Variants in MYO5B observed in about 807,000 individuals in gnomAD.
The protein encoded by MYO5B is myosin VB.
A neutral mutation model predicts 229.3 loss-of-function variants in MYO5B; 143 were observed. That is an observed-to-expected ratio of 0.62 (90% CI 0.54 to 0.72). The LOEUF (loss-of-function observed/expected upper bound fraction) is 0.72, where lower values mean the gene tolerates loss of function less well. Among genes scored for constraint, MYO5B ranks in the 30% least tolerant of loss-of-function variants. MYO5B has a pLI of 0.00. For synonymous variants in MYO5B, 918 were observed against 885.2 expected (o/e 1.04, Z -0.66); for missense variants, 2,321 against 2,331.0 (o/e 1.00, Z 0.09).
rs530645073 is a variant in MYO5B at position 49,961,203 on chromosome 18, T to C, written c.1545+1063A>G. Reference sequence around the variant, plus strand: ...CCAATGCTACTCAATCTAGGGACAATTGTTTTACCTTTACTGCTACCCCTC... The same window carrying C: ...CCAATGCTACTCAATCTAGGGACAACTGTTTTACCTTTACTGCTACCCCTC... On this transcript the variant is annotated intron_variant, in intron 12 of 39. Coordinates refer to ENST00000285039, the MANE Select transcript of MYO5B (RefSeq NM_001080467.3). Among the ~76,000 whole-genome samples, 7 of 152,320 alleles carry C rather than the reference T, an allele frequency of 4.6e-5. No homozygotes were observed. The East Asian group carries it at 1.2e-3, about 25-fold the overall frequency.
At chr18:50,022,457 T>C (rs2026286507) in intron 4 of MYO5B, among the ~76,000 whole-genome samples, 1 of 152,200 alleles carries the variant, frequency 6.6e-6, no homozygotes, top group Admixed American at 6.5e-5. Context: ...TATGACATTC[T>C]CCTTCCTCAA....
intron 1 of MYO5B, among the ~76,000 whole-genome samples, chr18:50,140,194 C>T (rs1341985223): frequency 6.6e-6 from 1 of 152,230 alleles, no homozygotes; most frequent in Non-Finnish European, 1.5e-5. Context: ...CTAGATACCA[C>T]ATCTAAAATA....
intron 4 of MYO5B, among the ~76,000 whole-genome samples, chr18:50,024,856 G>A (rs1057113104): frequency 1.3e-5 from 2 of 152,192 alleles, no homozygotes; most frequent in African/African-American, 4.8e-5. Context: ...TTAAAATCAT[G>A]GAGATAGTTA....
intron 4 of MYO5B, among the ~76,000 whole-genome samples, chr18:50,023,162 G>A (rs2026295231): frequency 6.7e-6 from 1 of 149,976 alleles, no homozygotes; most frequent in Non-Finnish European, 1.5e-5. Context: ...TCACTTTAGT[G>A]ATTTACTACC....
At chr18:50,067,167 T>C (rs2030841754) in intron 1 of MYO5B, among the ~76,000 whole-genome samples, 1 of 152,154 alleles carries the variant, frequency 6.6e-6, no homozygotes, top group South Asian at 2.1e-4. Context: ...GAATTCATCT[T>C]AATGAGAAAA....
intron 1 of MYO5B, among the ~76,000 whole-genome samples, chr18:50,092,771 G>T (rs558103598): frequency 3.3e-5 from 5 of 152,164 alleles, no homozygotes; most frequent in African/African-American, 9.6e-5. Flanking sequence ...TAATTAGTAG[G>T]AACAGAACAC....
chr18:49,884,333 A>T (rs1190077574), intron 22 of MYO5B, among the ~76,000 whole-genome samples: 1 of 152,144 alleles, frequency 6.6e-6, no homozygotes, highest in Non-Finnish European at 1.5e-5. Flanking sequence ...AGCATGATTC[A>T]AGCACTTTAT....
intron 1 of MYO5B, among the ~76,000 whole-genome samples, chr18:50,186,532 G>T (rs916157962): frequency 6.6e-6 from 1 of 152,146 alleles, no homozygotes; most frequent in East Asian, 1.9e-4. Flanking sequence ...CATAGTTCAT[G>T]TTTGTAGCAA....
At chr18:50,141,183 T>C (rs1187069199) in intron 1 of MYO5B, among the ~76,000 whole-genome samples, 1 of 152,154 alleles carries the variant, frequency 6.6e-6, no homozygotes, top group African/African-American at 2.4e-5. Context: ...CAGCTTTCCA[T>C]AAGACAGGCC....
chr18:49,866,731 G>A (rs2144084860), intron 27 of MYO5B, among the ~76,000 whole-genome samples: 1 of 152,336 alleles, frequency 6.6e-6, no homozygotes, highest in East Asian at 1.9e-4. Flanking sequence ...CACTGTGCTA[G>A]GTGCTGCAGG....
intron 27 of MYO5B, among the ~76,000 whole-genome samples, chr18:49,870,819 A>G (rs942813424): frequency 2.6e-5 from 4 of 152,256 alleles, no homozygotes; most frequent in African/African-American, 9.6e-5. Context: ...ATGTGGAGAA[A>G]CTGGAATCCT....
intron 17 of MYO5B, among the ~76,000 whole-genome samples, chr18:49,922,819 A>G (rs184665092): frequency 1.4e-3 from 218 of 152,282 alleles, no homozygotes; most frequent in African/African-American, 5.1e-3. Flanking sequence ...TATCTGCTAG[A>G]AAAAAGTCCA....
intron 4 of MYO5B, among the ~76,000 whole-genome samples, chr18:50,012,169 A>G (rs932576908): frequency 1.3e-5 from 2 of 152,246 alleles, no homozygotes; most frequent in African/African-American, 4.8e-5. Context: ...AAATTCCACA[A>G]GTGCTTCTAA....
chr18:49,962,424 G>T lies in MYO5B; in HGVS notation c.1405-18C>A. 4 of 1,614,064 alleles carry T rather than the reference G, an allele frequency of 2.5e-6. No homozygotes were observed. The highest frequency in any genetic ancestry group is 3.4e-6 in the Non-Finnish European group (4 of 1,179,990). On this transcript the variant is annotated intron_variant, in intron 11 of 39. Coordinates refer to ENST00000285039, the MANE Select transcript of MYO5B (RefSeq NM_001080467.3). The stretch of plus-strand genomic sequence containing the variant: ...AAAACATGCTAGGGCAAGTAAAAAG[G>T]TCACACGAGTGAACTGCAGGCACAC...
rs187847156 is a variant in MYO5B, at chr18:50,152,520, G to A, written c.27+42247C>T. Among the ~76,000 whole-genome samples, 1,047 of 152,244 alleles carry A rather than the reference G, an allele frequency of 6.9e-3. 3 individuals carry two copies. The highest frequency in any genetic ancestry group is 0.01 in the Admixed American group (154 of 15,306). ...AATTTACCAAAACCTCTGAGAATGG[G>A]TACCAGAAGAGAGTTTGAAAAGCAT... On this transcript the variant is annotated intron_variant, in intron 1 of 39. Transcript: ENST00000285039.
chr18:49,899,869 C>A (rs750809044), intron 21 of MYO5B, among the ~76,000 whole-genome samples: 1 of 152,222 alleles, frequency 6.6e-6, no homozygotes, highest in Non-Finnish European at 1.5e-5. Context: ...GTAGCTAACA[C>A]CTGCCACCAC....
At chr18:50,135,380 T>G (rs1036451670) in intron 1 of MYO5B, among the ~76,000 whole-genome samples, 2 of 152,232 alleles carry the variant, frequency 1.3e-5, no homozygotes, top group Non-Finnish European at 2.9e-5. Flanking sequence ...TATGTAATGA[T>G]GAAAGGAGAA....
rs138206637 is a variant in MYO5B at position 50,091,002 on chromosome 18, A to C, written c.28-35624T>G. ...AAAATATAGTGACATGTTTCTATGA[A>C]GAAGTTCATTTTAAGTTGCTTACCG... On this transcript the variant is annotated intron_variant, in intron 1 of 39. Coordinates refer to ENST00000285039, the MANE Select transcript of MYO5B (RefSeq NM_001080467.3). Among the ~76,000 whole-genome samples the C allele has an allele frequency of 1.8e-3, 274 of 152,342 alleles. 1 individual carries two copies. Among genetic ancestry groups the C allele is most frequent in the African/African-American group, 6.3e-3 (261 of 41,584 alleles).
chr18:49,988,222 G>C lies in MYO5B; in HGVS notation c.838+2217C>G, dbSNP rs1029426425. On this transcript the variant is annotated intron_variant, in intron 7 of 39. Transcript: ENST00000285039. ...AATATTCACTTAGAGCCCTTGGCTA[G>C]TCCATGTATTTGCTGTTTTCAGCTA... Among the ~76,000 whole-genome samples the C allele has an allele frequency of 3.3e-5, 5 of 152,192 alleles. No individual in the cohort carries two copies. In the South Asian group the frequency reaches 6.2e-4, roughly 19 times the overall value.
Sources: allele counts gnomAD v4.1 joint callset (sites outside exome capture counted in the v4.1 genomes callset), GRCh38; gene constraint gnomAD v4.1.1; transcripts MANE v1.5; gene names NCBI Gene and HGNC (gene_info 2026-07-23, HGNC 2026-07-21).